POC1B: variants seen among roughly 807,000 people sequenced by gnomAD.
POC1B encodes the protein POC1 centriolar protein B, also known as POC1 centriolar protein homolog B.
Under a neutral mutation model 60.6 loss-of-function variants are expected in POC1B, and 44 were observed. The ratio of observed to expected loss-of-function variants is 0.73; its 90% CI spans 0.57 to 0.93. The LOEUF is 0.93. POC1B is among the 40% of genes least tolerant of loss of function. POC1B has a pLI of 0.00. For synonymous variants in POC1B, 180 were observed against 198.9 expected (o/e 0.90, Z 0.80); for missense variants, 555 against 572.3 (o/e 0.97, Z 0.31).
chr12:89,521,890 T>C lies in POC1B; in HGVS notation c.100+3230A>G, dbSNP rs551685621. The C allele has an allele frequency of 8.5e-5, 34 of 398,044 alleles. No individual in the cohort carries two copies. The South Asian group carries it at 4.5e-3, about 53-fold the overall frequency. The allele number at this position is 398,044 out of a possible 1,614,324, so 24.7% of individuals were successfully genotyped here. A position where few individuals can be genotyped will look rare whatever the true frequency, so the allele number is the denominator to read the frequency against. The stretch of plus-strand genomic sequence containing the variant: ...AGCCTTGGTAGAACCTAGCCCACTT[T>C]CAGTTTCACACATTTTAATAAACAT... On this transcript the variant is annotated intron_variant, in intron 2 of 11. Transcript: ENST00000313546.
chr12:89,402,338 TACAC>T, the POC1B span, among the ~76,000 whole-genome samples: 95,970 of 148,866 alleles, frequency 0.64, 31,574 homozygotes, highest in Middle Eastern at 0.81. Context: ...TTATCACAAA[TACAC>T]ACACACACAC....
In POC1B at chr12:89,459,896, G is replaced by A. The variant is rs537043638; in HGVS notation, c.1033-178C>T. 6.9e-5 allele frequency: 33 copies of A among 478,204 alleles called. No homozygotes were observed. The East Asian group carries it at 7.8e-4, about 11-fold the overall frequency. 29.6% of individuals were successfully genotyped at this position (478,204 alleles called of 1,614,324 possible). A position where few individuals can be genotyped will look rare whatever the true frequency, so the allele number is the denominator to read the frequency against. On this transcript the variant is annotated intron_variant, in intron 9 of 11. Coordinates refer to ENST00000313546, the MANE Select transcript of POC1B (RefSeq NM_172240.3). Reference sequence around the variant, plus strand: ...ATGTTAGCCTACCAATTCTATCAACGTATAAGAAAAGATCATTTTGGTAAG... The same window carrying A: ...ATGTTAGCCTACCAATTCTATCAACATATAAGAAAAGATCATTTTGGTAAG...
chr12:89,488,489 GTTA>G (rs1421883743), intron 4 of POC1B, among the ~76,000 whole-genome samples: 2 of 151,964 alleles, frequency 1.3e-5, no homozygotes, highest in Non-Finnish European at 2.9e-5. Flanking sequence ...TATTATTATT[GTTA>G]TTATTATTAT....
the POC1B span, among the ~76,000 whole-genome samples, chr12:89,406,443 G>A: frequency 8.0e-4 from 121 of 151,950 alleles, 1 homozygote; most frequent in East Asian, 0.018. Flanking sequence ...TTAACTTAAG[G>A]CTCTATGGTT....
intron 3 of POC1B, among the ~76,000 whole-genome samples, chr12:89,494,450 G>C (rs183362130): frequency 6.6e-6 from 1 of 152,006 alleles, no homozygotes; most frequent in African/African-American, 2.4e-5. Context: ...ATGTCTCTCC[G>C]CTTCACAAAA....
chr12:89,494,450 G>A (rs183362130), intron 3 of POC1B, among the ~76,000 whole-genome samples: 12 of 152,122 alleles, frequency 7.9e-5, no homozygotes, highest in Admixed American at 2.0e-4. Flanking sequence ...ATGTCTCTCC[G>A]CTTCACAAAA....
intron 10 of POC1B, 182 bp from the exon 11 acceptor site, chr12:89,425,561 A>G (rs1424633434): frequency 2.1e-6 from 1 of 483,054 alleles, no homozygotes; most frequent in Non-Finnish European, 3.6e-6. Context: ...TCTTATAATA[A>G]GGAAACAAAG....
At chr12:89,465,982 A>AG (rs1882669206) in intron 9 of POC1B, among the ~76,000 whole-genome samples, 1 of 152,236 alleles carries the variant, frequency 6.6e-6, no homozygotes, top group Non-Finnish European at 1.5e-5. Context: ...CACAGCATGA[A>AG]CAGTGAATGC....
chr12:89,525,699 G>T, intron 1 of POC1B, 182 bp downstream of exon 1: 1 of 1,251,524 alleles, frequency 8.0e-7, no homozygotes, highest in Non-Finnish European at 1.0e-6. Context: ...TCTGGGTTCC[G>T]CACTCCGTCC....
At chr12:89,446,695 A>C (rs1248589013) in intron 10 of POC1B, among the ~76,000 whole-genome samples, 1 of 152,116 alleles carries the variant, frequency 6.6e-6, no homozygotes, top group African/African-American at 2.4e-5. Context: ...GCACATGTAC[A>C]TATGTAACAA....
the POC1B span, among the ~76,000 whole-genome samples, chr12:89,403,136 T>C: frequency 1.1e-4 from 16 of 152,014 alleles, no homozygotes; most frequent in East Asian, 7.7e-4. Context: ...GCCTCCCAAG[T>C]AGCTGGCATT....
intron 10 of POC1B, chr12:89,426,675 T>C (rs1349594907): frequency 6.6e-6 from 1 of 151,728 alleles, no homozygotes. Flanking sequence ...AATACAAAAA[T>C]TAGCCAGGTG....
At chr12:89,503,987 TG>T (rs1338237289) in intron 2 of POC1B, among the ~76,000 whole-genome samples, 14 of 133,882 alleles carry the variant, frequency 1.0e-4, no homozygotes, top group Non-Finnish European at 2.2e-4. Context: ...GGGAGGGAGG[TG>T]GGGGGCGCCT....
chr12:89,501,175 T>C, intron 2 of POC1B: 1 of 1,439,908 alleles, frequency 6.9e-7, no homozygotes, highest in Non-Finnish European at 9.8e-7. Flanking sequence ...AGCTAAGACT[T>C]TGGCAAATGA....
intron 2 of POC1B, among the ~76,000 whole-genome samples, chr12:89,503,349 G>A (rs1389237945): frequency 6.6e-6 from 1 of 152,232 alleles, no homozygotes; most frequent in South Asian, 2.1e-4. Context: ...GCTCCTAACC[G>A]CGAGTGATCT....
chr12:89,525,208 G>A lies in POC1B; in HGVS notation c.16-4C>T. ...AACGCTCCAGAACGGGGTCCTCCTG[G>A]AAAGGAAAGTTGTCAAGTTTTGAAA... On this transcript the variant is annotated splice_region_variant and splice_polypyrimidine_tract_variant and intron_variant, in intron 1 of 11. Coordinates refer to ENST00000313546, the MANE Select transcript of POC1B (RefSeq NM_172240.3). 1.9e-6 allele frequency: 3 copies of A among 1,606,096 alleles called. No individual in the cohort carries two copies. The highest frequency in any genetic ancestry group is 2.6e-6 in the Non-Finnish European group (3 of 1,176,332).
rs374265290 is a variant in POC1B, at chr12:89,522,994, G to C, written c.100+2126C>G. 6 of 1,613,846 alleles carry C rather than the reference G, an allele frequency of 3.7e-6. No homozygotes were observed. In the East Asian group the frequency reaches 1.1e-4, roughly 30 times the overall value. ...TGCTGGTACAGGGAACCCATCTTTG[G>C]GACAATTTTGCATTCCCACATAATT... On this transcript the variant is annotated intron_variant, in intron 2 of 11. Coordinates refer to ENST00000313546, the MANE Select transcript of POC1B (RefSeq NM_172240.3).
At chr12:89,479,742 T>C (rs941291558) in intron 4 of POC1B, among the ~76,000 whole-genome samples, 1 of 151,962 alleles carries the variant, frequency 6.6e-6, no homozygotes, top group African/African-American at 2.4e-5. Flanking sequence ...CTTAAGTCCA[T>C]GGCATACATT....
chr12:89,518,764 G>T (rs1384170214), intron 2 of POC1B, among the ~76,000 whole-genome samples: 1 of 152,148 alleles, frequency 6.6e-6, no homozygotes, highest in Non-Finnish European at 1.5e-5. Context: ...AACACAGAGA[G>T]ATGAAGTGAT....
Sources: gnomAD v4.1 joint callset for allele counts (sites outside exome capture counted in the v4.1 genomes callset) on GRCh38, gnomAD v4.1.1 for gene constraint, MANE v1.5 for transcripts, NCBI Gene and HGNC (gene_info 2026-07-23, HGNC 2026-07-21) for gene names.